The following MAD1L1 variants were observed in gnomAD, a reference collection of about 807,000 sequenced individuals.
MAD1L1 encodes the protein mitotic spindle assembly checkpoint protein MAD1.
A neutral mutation model predicts 96.9 loss-of-function variants in MAD1L1; 95 were observed. That is an observed-to-expected ratio of 0.98 (90% CI 0.83 to 1.16). MAD1L1 has a LOEUF of 1.16. Ranked by LOEUF, MAD1L1 falls within the 50% of genes most tolerant of loss-of-function variation. MAD1L1 has a pLI of 0.00. For missense variants in MAD1L1, 1,007 were observed against 954.4 expected, an observed-to-expected ratio of 1.06 and a Z score of -0.73; for synonymous variants, 473 against 396.6, an observed-to-expected ratio of 1.19 and a Z score of -2.29.
At chr7:1,987,107 G>A (rs1323552458) in intron 14 of MAD1L1, among the ~76,000 whole-genome samples, 6 of 152,070 alleles carry the variant, frequency 3.9e-5, no homozygotes, top group African/African-American at 9.7e-5. Flanking sequence ...TGGAAATGCC[G>A]CCTTCCCCAC....
chr7:1,983,150 G>A (rs62442947), intron 14 of MAD1L1, among the ~76,000 whole-genome samples: 1,170 of 93,252 alleles, frequency 0.013, 25 homozygotes, highest in Admixed American at 0.052. Flanking sequence ...GCGCGCGCGC[G>A]CGCGCACACA....
At chr7:2,185,980 G>A (rs1791442765) in intron 10 of MAD1L1, among the ~76,000 whole-genome samples, 1 of 152,204 alleles carries the variant, frequency 6.6e-6, no homozygotes, top group Non-Finnish European at 1.5e-5. Context: ...CTGCAGGCAG[G>A]AAGCACTGTC....
rs1256660695 is a variant in MAD1L1, at chr7:2,119,901, G to C, written c.1073+29251C>G. 1.3e-5 allele frequency among the ~76,000 whole-genome samples: 2 copies of C among 152,074 alleles called. No individual in the cohort carries two copies. Among genetic ancestry groups the C allele is most frequent in the Non-Finnish European group, 2.9e-5 (2 of 68,014 alleles). On this transcript the variant is annotated intron_variant, in intron 11 of 18. Transcript: ENST00000265854. This position sits in a 1 kb window ranked among gnomAD's most constrained non-coding sequence, Gnocchi z 4.6. ...CCCCTCCTTCCAAGCATCCAACCAGGAGCTCCTTATTCCCTGAAAGCCGCC... is the reference window on the plus strand; with the variant it reads ...CCCCTCCTTCCAAGCATCCAACCAGCAGCTCCTTATTCCCTGAAAGCCGCC...
intron 11 of MAD1L1, among the ~76,000 whole-genome samples, chr7:2,075,820 C>G (rs1785347265): frequency 1.3e-5 from 2 of 152,228 alleles, no homozygotes; most frequent in South Asian, 4.1e-4. Flanking sequence ...GCCAGCTCTT[C>G]CACGCACGAC....
In MAD1L1 at chr7:2,069,284, G is replaced by A; in HGVS notation, c.1128C>T (p.Val376=). The A allele has an allele frequency of 6.2e-7, 1 of 1,610,484 alleles. No individual in the cohort carries two copies. Among genetic ancestry groups the A allele is most frequent in the Non-Finnish European group, 8.5e-7 (1 of 1,179,426 alleles). ...TCCTCTCCTCCAACAGCTGGCCGCTGACCTGCCGGAGCTCCTCCTGCAGCT... is the reference window on the plus strand; with the variant it reads ...TCCTCTCCTCCAACAGCTGGCCGCTAACCTGCCGGAGCTCCTCCTGCAGCT... ...RQQLQEELRQ[V]SGQLLEERKK... Residue 376 remains valine (V), a synonymous_variant, in exon 12 of 19, where the codon GTC becomes GTT. Coordinates refer to ENST00000265854, the MANE Select transcript of MAD1L1 (RefSeq NM_001013836.2).
intron 18 of MAD1L1, among the ~76,000 whole-genome samples, chr7:1,856,642 C>T (rs1784270340): frequency 6.6e-6 from 1 of 152,114 alleles, no homozygotes; most frequent in South Asian, 2.1e-4. Flanking sequence ...AGGAGCTGCT[C>T]GCGGCTCCTC....
chr7:1,884,234 G>A (rs1318512566), intron 18 of MAD1L1, among the ~76,000 whole-genome samples: 1 of 152,222 alleles, frequency 6.6e-6, no homozygotes, highest in Non-Finnish European at 1.5e-5. Context: ...CCTGGCTGAA[G>A]AGACGTGGCC....
At chr7:2,218,428 G>A (rs1362210310) in intron 6 of MAD1L1, among the ~76,000 whole-genome samples, 1 of 152,206 alleles carries the variant, frequency 6.6e-6, no homozygotes, top group African/African-American at 2.4e-5. Flanking sequence ...CTCTACTACG[G>A]AACTAGAACT....
At chr7:2,095,192 G>A (rs1178444531) in intron 11 of MAD1L1, among the ~76,000 whole-genome samples, 9 of 152,096 alleles carry the variant, frequency 5.9e-5, no homozygotes, top group South Asian at 2.1e-4. Context: ...ACAGGCACCC[G>A]CCACCACGCC....
intron 11 of MAD1L1, among the ~76,000 whole-genome samples, chr7:2,111,800 A>C (rs7802380): frequency 6.6e-6 from 1 of 151,860 alleles, no homozygotes; most frequent in East Asian, 1.9e-4. Flanking sequence ...CACACACAGC[A>C]AACGCACACA....
intron 12 of MAD1L1, among the ~76,000 whole-genome samples, chr7:2,065,010 TAGG>T (rs937786518): frequency 2.0e-5 from 3 of 151,532 alleles, no homozygotes; most frequent in African/African-American, 7.3e-5. Context: ...TGGCTGATCA[TAGG>T]AGGACAGCGG....
intron 17 of MAD1L1, among the ~76,000 whole-genome samples, chr7:1,915,147 G>A (rs1190495372): frequency 2.0e-5 from 3 of 152,054 alleles, no homozygotes; most frequent in Admixed American, 6.5e-5. Flanking sequence ...GGTGCTGGGC[G>A]CCTGGTAACA....
chr7:1,898,457 G>A, intron 17 of MAD1L1, 67 bp from the exon 18 acceptor site: 3 of 1,450,884 alleles, frequency 2.1e-6, no homozygotes, highest in East Asian at 2.3e-5. Context: ...CCCGGGAGCG[G>A]CCAGGGCAGG....
intron 16 of MAD1L1, among the ~76,000 whole-genome samples, chr7:1,954,517 G>A (rs1246667031): frequency 1.3e-5 from 2 of 152,156 alleles, no homozygotes; most frequent in Admixed American, 1.3e-4. Context: ...GGACAGGGGT[G>A]GGGCAGGAGG....
intron 11 of MAD1L1, among the ~76,000 whole-genome samples, chr7:2,134,660 AACAGG>A (rs1788670472): frequency 6.6e-6 from 1 of 152,200 alleles, no homozygotes; most frequent in Non-Finnish European, 1.5e-5. Flanking sequence ...TGCCCATTTA[AACAGG>A]ACCAGTCACC....
At chr7:1,951,307 G>C (rs184114672) in intron 16 of MAD1L1, among the ~76,000 whole-genome samples, 1 of 152,264 alleles carries the variant, frequency 6.6e-6, no homozygotes, top group Admixed American at 6.5e-5. Context: ...AGGAAGGCAG[G>C]AGTGACCGAA....
At chr7:1,897,705 G>A (rs12672758) in intron 18 of MAD1L1, among the ~76,000 whole-genome samples, 5,965 of 152,304 alleles carry the variant, frequency 0.039, 239 homozygotes, top group African/African-American at 0.094. Flanking sequence ...CTCGCAGGAC[G>A]CGAGTGTAGA....
At chr7:2,097,821 C>T (rs1463511599) in intron 11 of MAD1L1, among the ~76,000 whole-genome samples, 1 of 152,232 alleles carries the variant, frequency 6.6e-6, no homozygotes, top group Non-Finnish European at 1.5e-5. Context: ...CCCCTGGGAG[C>T]AGCGCCTGCA....
intron 12 of MAD1L1, among the ~76,000 whole-genome samples, chr7:2,042,262 C>T (rs570049671): frequency 6.1e-4 from 91 of 149,156 alleles, no homozygotes; most frequent in Non-Finnish European, 1.0e-3. Flanking sequence ...GACACACATA[C>T]GCACATGCAC....
Sources: gnomAD v4.1 joint callset for allele counts (sites outside exome capture counted in the v4.1 genomes callset) on GRCh38, gnomAD v4.1.1 for gene constraint, Gnocchi (gnomAD v3.1) non-coding constraint, MANE v1.5 for transcripts, NCBI Gene and HGNC (gene_info 2026-07-23, HGNC 2026-07-21) for gene names.